Variants in SUSD5 observed in about 807,000 individuals in gnomAD.
SUSD5 encodes sushi domain containing 5.
A neutral mutation model predicts 29.5 loss-of-function variants in SUSD5; 33 were observed. That is an observed-to-expected ratio of 1.12 (90% CI 0.85 to 1.49). The LOEUF (loss-of-function observed/expected upper bound fraction) is 1.49, where lower values mean the gene tolerates loss of function less well. Ranked by LOEUF, SUSD5 falls within the 40% of genes most tolerant of loss-of-function variation. The pLI is 0.00. For missense variants in SUSD5, 776 were observed against 800.6 expected, an observed-to-expected ratio of 0.97 and a Z score of 0.37; for synonymous variants, 308 against 325.3, an observed-to-expected ratio of 0.95 and a Z score of 0.57.
chr3:33,218,709 GGCAGACCGAGCAGGA>G lies in SUSD5; in HGVS notation c.74_88del (p.Leu25_Leu29del), dbSNP rs1575548954. 1 of 1,323,140 alleles carries G rather than the reference GGCAGACCGAGCAGGA, an allele frequency of 7.6e-7. No homozygotes were observed. Among genetic ancestry groups the G allele is most frequent in the East Asian group, 3.1e-5 (1 of 32,182 alleles). 82.0% of individuals were successfully genotyped at this position (1,323,140 alleles called of 1,614,324 possible). A position where few individuals can be genotyped will look rare whatever the true frequency, so the allele number is the denominator to read the frequency against. ...ACCATCCGCCCGCACCGAAAGGCGC[GGCAGACCGAGCAGGA>G]GCAGCGCCGCCGCCCAGAGCCCGGG... On this transcript the variant is annotated inframe_deletion, in exon 1 of 5. Coordinates refer to ENST00000309558, the MANE Select transcript of SUSD5 (RefSeq NM_015551.2).
intron 1 of SUSD5, among the ~76,000 whole-genome samples, chr3:33,215,949 C>G (rs933494880): frequency 6.6e-6 from 1 of 152,010 alleles, no homozygotes; most frequent in Non-Finnish European, 1.5e-5. Flanking sequence ...ACAAAAGTCC[C>G]ACAAAATCAA....
chr3:33,199,217 C>T (rs1298172975), intron 3 of SUSD5, among the ~76,000 whole-genome samples: 1 of 83,904 alleles, frequency 1.2e-5, no homozygotes, highest in African/African-American at 4.2e-5. Context: ...GAGAATTTCA[C>T]ACACACACAC....
chr3:33,187,213 G>A (rs944594539), intron 3 of SUSD5, among the ~76,000 whole-genome samples: 5 of 152,124 alleles, frequency 3.3e-5, no homozygotes, highest in Non-Finnish European at 7.3e-5. Context: ...TCTATCTAAG[G>A]AACACAGGGA....
In SUSD5 at chr3:33,153,383, C is replaced by T; in HGVS notation, c.1249G>A (p.Val417Ile). The change falls in exon 5 of 5, where the codon GTT becomes ATT. Residue 417 changes from valine to isoleucine, a missense_variant. Transcript: ENST00000309558. ...VTPDQPILVE[V>I]KKPKSSTLTP... ...AGGGTGCTACTCTTGGGCTTCTTAA[C>T]TTCCACAAGAATGGGCTGATCAGGA... 2 of 1,613,868 alleles carry T rather than the reference C, an allele frequency of 1.2e-6. No individual in the cohort carries two copies. The highest frequency in any genetic ancestry group is 2.2e-5 in the South Asian group (2 of 91,060).
intron 3 of SUSD5, among the ~76,000 whole-genome samples, chr3:33,200,281 G>A (rs2032091054): frequency 6.6e-6 from 1 of 152,176 alleles, no homozygotes; most frequent in Admixed American, 6.5e-5. Context: ...CCAGAACTGT[G>A]AGACATACAT....
chr3:33,152,124 CT>C lies in SUSD5; in HGVS notation c.*617del, dbSNP rs2030913375. The C allele has an allele frequency of 6.6e-6, 1 of 152,122 alleles. No individual in the cohort carries two copies. The highest frequency in any genetic ancestry group is 1.5e-5 in the Non-Finnish European group (1 of 68,058). The allele number at this position is 152,122 out of a possible 1,614,324, so 9.4% of individuals were successfully genotyped here. A position where few individuals can be genotyped will look rare whatever the true frequency, so the allele number is the denominator to read the frequency against. The stretch of plus-strand genomic sequence containing the variant: ...GGGCATGAAGCTGGTGATTTTCTTT[CT>C]TCAAAAAGGTAATACTGTGATGTGG... On this transcript the variant is annotated 3_prime_UTR_variant, in exon 5 of 5. Coordinates refer to ENST00000309558, the MANE Select transcript of SUSD5 (RefSeq NM_015551.2).
At chr3:33,175,191 T>C in intron 3 of SUSD5, 117 bp from the exon 4 acceptor site, 1 of 1,102,110 alleles carries the variant, frequency 9.1e-7, no homozygotes, top group Admixed American at 2.4e-5. Flanking sequence ...TCAACTGTGA[T>C]CACAGGGGCT....
intron 4 of SUSD5, among the ~76,000 whole-genome samples, chr3:33,154,305 T>C (rs572974654): frequency 1.5e-4 from 23 of 152,228 alleles, no homozygotes; most frequent in African/African-American, 5.1e-4. Flanking sequence ...GGTGGATCAC[T>C]TGAAGCCAGG....
In SUSD5 at chr3:33,218,688, T is replaced by C; in HGVS notation, c.110A>G (p.Asp37Gly). ...LGLPRLSVRADGKFFVLESQN... is the reference protein window; with the variant it reads ...LGLPRLSVRAGGKFFVLESQN... ...CCCGCCGCCTCCCGCACACTCACCA[T>C]CCGCCCGCACCGAAAGGCGCGGCAG... The change falls in exon 1 of 5, where the codon GAT (aspartate) becomes GGT (glycine). Residue 37 changes from aspartate to glycine, a missense_variant and splice_region_variant. By Grantham distance (94) the Asp-to-Gly change is moderately conservative. Transcript: ENST00000309558. The C allele has an allele frequency of 7.7e-7, 1 of 1,300,938 alleles. No individual in the cohort carries two copies. The highest frequency in any genetic ancestry group is 9.8e-7 in the Non-Finnish European group (1 of 1,023,654). 80.6% of individuals were successfully genotyped at this position (1,300,938 alleles called of 1,614,324 possible). A position where few individuals can be genotyped will look rare whatever the true frequency, so the allele number is the denominator to read the frequency against.
At position 33,174,851 on chromosome 3, in the gene SUSD5, G is replaced by C. The variant is rs200695731; in HGVS notation, c.598+35C>G. On this transcript the variant is annotated intron_variant, in intron 4 of 4. Transcript: ENST00000309558. The stretch of plus-strand genomic sequence containing the variant: ...TGGAGCCCTCAGCCAGCACTGCGTG[G>C]GCACGCGAAGGTGGCCCATCCCTGG... The C allele has an allele frequency of 5.4e-5, 87 of 1,608,624 alleles. No homozygotes were observed. The East Asian group carries it at 1.9e-3, about 35-fold the overall frequency.
Position 33,170,456 on chromosome 3 carries a change from C to T in SUSD5, c.598+4430G>A, listed in dbSNP as rs111321651. ...AGAAAATGGCAGTTAAATAAGTCCT[C>T]GCCCATTTCAGTGAACGGTCAAGAC... On this transcript the variant is annotated intron_variant, in intron 4 of 4. Coordinates refer to ENST00000309558, the MANE Select transcript of SUSD5 (RefSeq NM_015551.2). Among the ~76,000 whole-genome samples the T allele has an allele frequency of 7.2e-5, 11 of 152,256 alleles. 2 individuals carry two copies. The highest frequency in any genetic ancestry group is 2.6e-4 in the African/African-American group (11 of 41,530).
chr3:33,200,528 C>G (rs2032096114), intron 3 of SUSD5, among the ~76,000 whole-genome samples: 1 of 152,098 alleles, frequency 6.6e-6, no homozygotes, highest in Non-Finnish European at 1.5e-5. Flanking sequence ...TGTTTTGGGT[C>G]TAGGAGATGA....
At chr3:33,180,644 T>C (rs1303409723) in intron 3 of SUSD5, among the ~76,000 whole-genome samples, 4 of 151,870 alleles carry the variant, frequency 2.6e-5, no homozygotes, top group Admixed American at 2.6e-4. Flanking sequence ...CTGGCCAACA[T>C]GGTGAAACCC....
At chr3:33,217,150 A>C (rs887069670) in intron 1 of SUSD5, among the ~76,000 whole-genome samples, 3 of 152,190 alleles carry the variant, frequency 2.0e-5, no homozygotes, top group Admixed American at 2.0e-4. Context: ...ATGGGATGAA[A>C]CTCTAAAACC....
intron 4 of SUSD5, among the ~76,000 whole-genome samples, chr3:33,168,160 C>T (rs2031344678): frequency 6.6e-6 from 1 of 152,172 alleles, no homozygotes; most frequent in African/African-American, 2.4e-5. Context: ...CAGGCCAGAG[C>T]CCAGTATCTG....
chr3:33,154,642 CAG>C (rs1045417168), intron 4 of SUSD5, among the ~76,000 whole-genome samples: 7 of 151,710 alleles, frequency 4.6e-5, no homozygotes, highest in South Asian at 2.1e-4. Context: ...TGTCAATAAA[CAG>C]AAAATTAAAA....
chr3:33,152,687 G>A lies in SUSD5; in HGVS notation c.*55C>T. ...ATGCTCTAGTGAATTATCGTGTGAT[G>A]TGTCACAGTTATTTTCCTCCCAAGT... On this transcript the variant is annotated 3_prime_UTR_variant, in exon 5 of 5. Coordinates refer to ENST00000309558, the MANE Select transcript of SUSD5 (RefSeq NM_015551.2). 6.6e-7 allele frequency: 1 copy of A among 1,507,924 alleles called. No homozygotes were observed. The highest frequency in any genetic ancestry group is 9.0e-7 in the Non-Finnish European group (1 of 1,117,030). 93.4% of individuals were successfully genotyped at this position (1,507,924 alleles called of 1,614,324 possible).
intron 4 of SUSD5, among the ~76,000 whole-genome samples, chr3:33,164,666 T>C (rs1019098225): frequency 6.6e-6 from 1 of 152,084 alleles, no homozygotes; most frequent in Non-Finnish European, 1.5e-5. Context: ...AAAGGACTCC[T>C]ACAAATAAAT....
In SUSD5 at chr3:33,167,383, A is replaced by C. The variant is rs992566663; in HGVS notation, c.598+7503T>G. ...CCTTGACCTGGACACTTACAGTCTG[A>C]ACTATGTGTGTTTGTTTGTGTGCAT... On this transcript the variant is annotated intron_variant, in intron 4 of 4. Coordinates refer to ENST00000309558, the MANE Select transcript of SUSD5 (RefSeq NM_015551.2). The surrounding 1 kb of genome is among the most constrained non-coding windows in gnomAD (Gnocchi z 4.1). Among the ~76,000 whole-genome samples the C allele has an allele frequency of 6.6e-6, 1 of 151,622 alleles. No homozygotes were observed. Among genetic ancestry groups the C allele is most frequent in the African/African-American group, 2.4e-5 (1 of 41,240 alleles).
Sources: gnomAD v4.1 joint callset for allele counts (sites outside exome capture counted in the v4.1 genomes callset) on GRCh38, gnomAD v4.1.1 for gene constraint, Gnocchi (gnomAD v3.1) non-coding constraint, MANE v1.5 for transcripts, NCBI Gene and HGNC (gene_info 2026-07-23, HGNC 2026-07-21) for gene names.